The following CADM2 variants were observed in gnomAD, a reference collection of about 807,000 sequenced individuals.
The protein encoded by CADM2 is cell adhesion molecule 2, also known as immunoglobulin superfamily member 4D.
Under a neutral mutation model 49.8 loss-of-function variants are expected in CADM2, and 12 were observed. The ratio of observed to expected loss-of-function variants is 0.24; its 90% CI spans 0.15 to 0.39. The LOEUF (loss-of-function observed/expected upper bound fraction) is 0.39, where lower values mean the gene tolerates loss of function less well. Ranked by LOEUF, CADM2 falls within the 10% of genes least tolerant of loss-of-function variation. The pLI is 1.00. For synonymous variants in CADM2, 214 were observed against 175.4 expected (o/e 1.22, Z -1.74); for missense variants, 378 against 492.3 (o/e 0.77, Z 2.20).
Position 85,300,154 on chromosome 3 carries a change from G to A in CADM2, c.61+340486G>A, listed in dbSNP as rs115266184. 2.1e-3 allele frequency among the ~76,000 whole-genome samples: 320 copies of A among 152,060 alleles called. 2 individuals carry two copies. The highest frequency in any genetic ancestry group is 7.4e-3 in the African/African-American group (306 of 41,506). On this transcript the variant is annotated intron_variant, in intron 1 of 9. Coordinates refer to ENST00000383699, the MANE Select transcript of CADM2 (RefSeq NM_001167675.2). ...CCAAGCATTTTGAATTTTTATCCACGCACTTTCCATTGTGCTACAGCTATA... is the reference window on the plus strand; with the variant it reads ...CCAAGCATTTTGAATTTTTATCCACACACTTTCCATTGTGCTACAGCTATA...
intron 1 of CADM2, among the ~76,000 whole-genome samples, chr3:85,530,654 C>G (rs1200108466): frequency 1.3e-5 from 2 of 150,938 alleles, no homozygotes; most frequent in African/African-American, 2.4e-5. Context: ...ATTACCCAGT[C>G]TTGGGTAATA....
intron 1 of CADM2, among the ~76,000 whole-genome samples, chr3:85,653,540 A>G (rs1461396798): frequency 6.6e-6 from 1 of 151,898 alleles, no homozygotes; most frequent in Non-Finnish European, 1.5e-5. Flanking sequence ...AGAAGACTGT[A>G]GGAGAAGCAT....
chr3:85,904,458 A>G (rs1018829672), intron 5 of CADM2, among the ~76,000 whole-genome samples: 5 of 152,174 alleles, frequency 3.3e-5, no homozygotes, highest in African/African-American at 7.2e-5. Context: ...GGGTACATCT[A>G]TCCAGTTTTC....
intron 1 of CADM2, among the ~76,000 whole-genome samples, chr3:85,373,982 T>G (rs991020272): frequency 3.3e-5 from 5 of 152,298 alleles, no homozygotes; most frequent in African/African-American, 9.6e-5. Flanking sequence ...TGTCATGCCC[T>G]GTAGACATTT....
intron 8 of CADM2, among the ~76,000 whole-genome samples, chr3:86,053,498 A>G (rs1737569341): frequency 6.6e-6 from 1 of 152,292 alleles, no homozygotes; most frequent in South Asian, 2.1e-4. Context: ...AGGAGAGAGC[A>G]CAGCACAGAG....
At chr3:85,631,372 T>C (rs1161340243) in intron 1 of CADM2, among the ~76,000 whole-genome samples, 2 of 152,136 alleles carry the variant, frequency 1.3e-5, no homozygotes, top group Non-Finnish European at 2.9e-5. Context: ...AAATACACTG[T>C]ATGTAATTGA....
chr3:85,257,027 A>T (rs891757391), intron 1 of CADM2, among the ~76,000 whole-genome samples: 2 of 152,138 alleles, frequency 1.3e-5, no homozygotes, highest in African/African-American at 4.8e-5. Flanking sequence ...GATTTTCCTA[A>T]CATCTCTAGG....
At chr3:85,303,163 C>G (rs976623385) in intron 1 of CADM2, among the ~76,000 whole-genome samples, 1 of 151,894 alleles carries the variant, frequency 6.6e-6, no homozygotes, top group Admixed American at 6.6e-5. Flanking sequence ...CGAAAGCCTT[C>G]CTTAGCATGA....
intron 1 of CADM2, among the ~76,000 whole-genome samples, chr3:85,370,166 T>C (rs2033109485): frequency 2.0e-5 from 3 of 150,210 alleles, no homozygotes; most frequent in Non-Finnish European, 3.0e-5. Context: ...TCAGCTGAGA[T>C]AGCGCCATTG....
chr3:85,969,447 T>C (rs1003246932), intron 8 of CADM2, among the ~76,000 whole-genome samples: 8 of 151,594 alleles, frequency 5.3e-5, no homozygotes, highest in African/African-American at 9.6e-5. Context: ...CTTTGCAAGA[T>C]TGATTTCTTA....
Position 86,070,595 on chromosome 3 carries a change from C to T in CADM2, c.*3812C>T, listed in dbSNP as rs766795738. ...TCTCTAAAATTGCCCAATATTATTTCCCTTTGCAAATGGTAATTTCTGATA... is the reference window on the plus strand; with the variant it reads ...TCTCTAAAATTGCCCAATATTATTTTCCTTTGCAAATGGTAATTTCTGATA... On this transcript the variant is annotated 3_prime_UTR_variant, in exon 10 of 10. Transcript: ENST00000383699. 14 of 150,498 alleles carry T rather than the reference C, an allele frequency of 9.3e-5. No individual in the cohort carries two copies. Among genetic ancestry groups the T allele is most frequent in the Non-Finnish European group, 1.6e-4 (11 of 67,588 alleles). The allele number at this position is 150,498 out of a possible 1,614,324, so 9.3% of individuals were successfully genotyped here.
At chr3:85,123,546 T>G (rs897191212) in intron 1 of CADM2, among the ~76,000 whole-genome samples, 1 of 152,106 alleles carries the variant, frequency 6.6e-6, no homozygotes, top group Non-Finnish European at 1.5e-5. Context: ...TAAAATGAAT[T>G]TAAGTATTTA....
intron 1 of CADM2, among the ~76,000 whole-genome samples, chr3:85,268,551 G>T (rs114659766): frequency 0.024 from 3,568 of 151,238 alleles, 127 homozygotes; most frequent in African/African-American, 0.082. Flanking sequence ...ATAAATTTGT[G>T]TGCATATTAT....
intron 1 of CADM2, among the ~76,000 whole-genome samples, chr3:85,168,363 G>A (rs145349478): frequency 1.3e-5 from 2 of 151,954 alleles, no homozygotes; most frequent in African/African-American, 2.4e-5. Flanking sequence ...CCCCTTAACC[G>A]TAAACTTTAT....
At chr3:85,958,945 G>A (rs1241125859) in intron 7 of CADM2, among the ~76,000 whole-genome samples, 1 of 151,646 alleles carries the variant, frequency 6.6e-6, no homozygotes, top group Non-Finnish European at 1.5e-5. Flanking sequence ...GTTGATGGAT[G>A]CAGGAAAACA....
chr3:85,399,301 A>T (rs1276424943), intron 1 of CADM2, among the ~76,000 whole-genome samples: 1 of 151,938 alleles, frequency 6.6e-6, no homozygotes, highest in Non-Finnish European at 1.5e-5. Context: ...ATGGTTGTAG[A>T]TGTGTGGTAT....
intron 8 of CADM2, among the ~76,000 whole-genome samples, chr3:86,001,406 A>G (rs2108741560): frequency 6.6e-6 from 1 of 152,178 alleles, no homozygotes; most frequent in Non-Finnish European, 1.5e-5. Flanking sequence ...GAGGTTAGAA[A>G]CCACGAACTT....
intron 1 of CADM2, among the ~76,000 whole-genome samples, chr3:85,118,461 A>C (rs887610414): frequency 6.6e-6 from 1 of 152,120 alleles, no homozygotes; most frequent in African/African-American, 2.4e-5. Flanking sequence ...GACAGAAAGC[A>C]AAAGGCACGA....
chr3:85,827,890 C>T (rs1257759168), intron 3 of CADM2: 1 of 151,924 alleles, frequency 6.6e-6, no homozygotes, highest in African/African-American at 2.4e-5. Flanking sequence ...GTTGCCCTCC[C>T]ATTGCCCGGG....
Sources: allele counts gnomAD v4.1 joint callset (sites outside exome capture counted in the v4.1 genomes callset), GRCh38; gene constraint gnomAD v4.1.1; transcripts MANE v1.5; gene names NCBI Gene and HGNC (gene_info 2026-07-23, HGNC 2026-07-21).